The following ANKS1B variants were observed in gnomAD, a reference collection of about 807,000 sequenced individuals.
ANKS1B encodes the protein ankyrin repeat and sterile alpha motif domain-containing protein 1B.
In ANKS1B, 36 loss-of-function variants were observed where a neutral mutation model predicts 148.3. The observed-to-expected ratio is 0.24, with a 90% CI of 0.19 to 0.32. The LOEUF (loss-of-function observed/expected upper bound fraction) is 0.32. ANKS1B is among the 10% of genes least tolerant of loss of function. The probability of loss-of-function intolerance (pLI) is 1.00; values close to 1 mark genes in which losing one functional copy is unlikely to be tolerated. For synonymous variants in ANKS1B, 542 were observed against 560.8 expected (o/e 0.97, Z 0.47); for missense variants, 1,157 against 1,542.6 (o/e 0.75, Z 4.19).
intron 17 of ANKS1B, among the ~76,000 whole-genome samples, chr12:98,877,584 C>A (rs1427376600): frequency 3.9e-5 from 6 of 152,104 alleles, no homozygotes; most frequent in Non-Finnish European, 8.8e-5. Context: ...AATATTATCT[C>A]TTGTGTAAAG....
intron 8 of ANKS1B, among the ~76,000 whole-genome samples, chr12:99,698,840 G>T (rs1034496895): frequency 6.6e-6 from 1 of 152,046 alleles, no homozygotes; most frequent in Admixed American, 6.5e-5. Flanking sequence ...TCTCCTTAAG[G>T]CCTATGATGA....
intron 10 of ANKS1B, among the ~76,000 whole-genome samples, chr12:99,456,186 C>T (rs1200535445): frequency 6.6e-6 from 1 of 152,122 alleles, no homozygotes; most frequent in Non-Finnish European, 1.5e-5. Flanking sequence ...ACAGTCACTT[C>T]AGCTCTCAGG....
At chr12:99,214,912 C>A (rs2083917720) in intron 14 of ANKS1B, among the ~76,000 whole-genome samples, 1 of 152,162 alleles carries the variant, frequency 6.6e-6, no homozygotes, top group Non-Finnish European at 1.5e-5. Flanking sequence ...CAAAGGTGAG[C>A]CTTGCTATGC....
chr12:99,931,354 T>A (rs1020914093), intron 1 of ANKS1B, among the ~76,000 whole-genome samples: 15 of 150,498 alleles, frequency 1.0e-4, no homozygotes, highest in African/African-American at 2.7e-4. Flanking sequence ...TAATAAAATT[T>A]AAAAAAAAAG....
chr12:99,309,218 A>C (rs1459103668), intron 12 of ANKS1B, among the ~76,000 whole-genome samples: 9 of 151,952 alleles, frequency 5.9e-5, no homozygotes, highest in Admixed American at 3.3e-4. Context: ...ATTTTAAATA[A>C]GAGCAGTTAT....
At chr12:98,946,050 G>T (rs1224737848) in intron 17 of ANKS1B, among the ~76,000 whole-genome samples, 3 of 152,178 alleles carry the variant, frequency 2.0e-5, no homozygotes, top group Non-Finnish European at 4.4e-5. Context: ...GCCAATTGTG[G>T]TTTTTCCATC....
intron 12 of ANKS1B, among the ~76,000 whole-genome samples, chr12:99,315,145 A>C (rs976727096): frequency 3.9e-5 from 6 of 151,924 alleles, no homozygotes; most frequent in African/African-American, 1.5e-4. Context: ...CAGGAGGCTG[A>C]AACAGAATTG....
intron 9 of ANKS1B, among the ~76,000 whole-genome samples, chr12:99,529,371 A>G (rs2153085109): frequency 6.6e-6 from 1 of 152,222 alleles, no homozygotes; most frequent in South Asian, 2.1e-4. Context: ...GCCATCAACA[A>G]GTTGGGCGTA....
chr12:99,818,278 G>A (rs908114852), intron 2 of ANKS1B, among the ~76,000 whole-genome samples: 7 of 151,700 alleles, frequency 4.6e-5, no homozygotes, highest in African/African-American at 9.7e-5. Context: ...GGAACACATC[G>A]CCTGTGCTTG....
intron 25 of ANKS1B, among the ~76,000 whole-genome samples, chr12:98,758,755 T>TTTTTC (rs750085082): frequency 0.23 from 34,257 of 146,060 alleles, 4,339 homozygotes; most frequent in Non-Finnish European, 0.27. Flanking sequence ...GGATTTTTCT[T>TTTTTC]TTTTCTTTTC....
At chr12:99,815,057 T>C (rs1030914933) in intron 2 of ANKS1B, among the ~76,000 whole-genome samples, 3 of 151,752 alleles carry the variant, frequency 2.0e-5, no homozygotes, top group Non-Finnish European at 3.0e-5. Context: ...AAAAAATATA[T>C]TCTGAAACAA....
At chr12:99,455,740 A>AC (rs1406889491) in intron 10 of ANKS1B, among the ~76,000 whole-genome samples, 2 of 151,314 alleles carry the variant, frequency 1.3e-5, no homozygotes, top group African/African-American at 4.9e-5. Context: ...CTGCAACCCC[A>AC]CCCCCAACAG....
chr12:99,938,409 A>G (rs2094834206), intron 1 of ANKS1B, among the ~76,000 whole-genome samples: 1 of 152,172 alleles, frequency 6.6e-6, no homozygotes, highest in South Asian at 2.1e-4. Context: ...GCTTTGTGAG[A>G]CCTTGAGCAG....
chr12:99,612,855 T>C (rs10735368), intron 9 of ANKS1B, among the ~76,000 whole-genome samples: 106,775 of 151,896 alleles, frequency 0.7, 37,939 homozygotes, highest in African/African-American at 0.79. Flanking sequence ...TAAGCAGCTA[T>C]GGGTAGTAAA....
At chr12:99,973,678 G>T (rs1232274882) in intron 1 of ANKS1B, among the ~76,000 whole-genome samples, 1 of 152,182 alleles carries the variant, frequency 6.6e-6, no homozygotes, top group African/African-American at 2.4e-5. Flanking sequence ...CTGATTTTGA[G>T]GGATTCATGA....
intron 12 of ANKS1B, among the ~76,000 whole-genome samples, chr12:99,363,984 C>G (rs2092628656): frequency 6.6e-6 from 1 of 152,072 alleles, no homozygotes; most frequent in Non-Finnish European, 1.5e-5. Flanking sequence ...CAATTAGCCT[C>G]CCTCTCACCA....
At chr12:98,814,569 C>T (rs963628507) in intron 19 of ANKS1B, among the ~76,000 whole-genome samples, 2 of 152,148 alleles carry the variant, frequency 1.3e-5, no homozygotes, top group Non-Finnish European at 2.9e-5. Context: ...TAAAGGGCTG[C>T]CAGCTTGCCG....
At chr12:99,032,755 G>T (rs1322074390) in intron 17 of ANKS1B, among the ~76,000 whole-genome samples, 1 of 152,046 alleles carries the variant, frequency 6.6e-6, no homozygotes, top group African/African-American at 2.4e-5. Flanking sequence ...CATGAACTTT[G>T]ATTTTTTTAA....
At chr12:99,713,103 A>T (rs2056853945) in intron 8 of ANKS1B, among the ~76,000 whole-genome samples, 2 of 152,206 alleles carry the variant, frequency 1.3e-5, no homozygotes, top group African/African-American at 4.8e-5. Context: ...CAGGGAGTAA[A>T]TCCATCAAAC....
Sources: gnomAD v4.1 joint callset for allele counts (sites outside exome capture counted in the v4.1 genomes callset) on GRCh38, gnomAD v4.1.1 for gene constraint, MANE v1.5 for transcripts, NCBI Gene and HGNC (gene_info 2026-07-23, HGNC 2026-07-21) for gene names.